Variants in MAP2K1 observed in about 807,000 individuals in gnomAD.
MAP2K1 encodes the protein dual specificity mitogen-activated protein kinase kinase 1.
A neutral mutation model predicts 46.3 loss-of-function variants in MAP2K1; 16 were observed. That is an observed-to-expected ratio of 0.35 (90% CI 0.23 to 0.52). The LOEUF is 0.52. Ranked by LOEUF, MAP2K1 falls within the 20% of genes least tolerant of loss-of-function variation. MAP2K1 has a pLI of 0.94. For synonymous variants in MAP2K1, 183 were observed against 185.6 expected, an observed-to-expected ratio of 0.99 and a Z score of 0.11; for missense variants, 263 against 497.1, an observed-to-expected ratio of 0.53 and a Z score of 4.48.
chr15:66,469,084 C>G (rs1054711330), intron 5 of MAP2K1, among the ~76,000 whole-genome samples: 2 of 151,800 alleles, frequency 1.3e-5, no homozygotes, highest in Admixed American at 6.6e-5. Flanking sequence ...GGTGAAACCC[C>G]GTCTCTACTA....
chr15:66,404,609 G>T (rs2093391524), intron 1 of MAP2K1, among the ~76,000 whole-genome samples: 1 of 152,186 alleles, frequency 6.6e-6, no homozygotes, highest in Non-Finnish European at 1.5e-5. Context: ...AGTTAAAAAG[G>T]AAGGCGTAAC....
At chr15:66,396,997 T>G (rs2093369355) in intron 1 of MAP2K1, among the ~76,000 whole-genome samples, 1 of 14,480 alleles carries the variant, frequency 6.9e-5, no homozygotes, top group South Asian at 4.1e-3. Context: ...TAACGCTTCT[T>G]TTTTTTTTTT....
At chr15:66,475,181 A>G (rs57677589) in intron 5 of MAP2K1, among the ~76,000 whole-genome samples, 2,880 of 152,214 alleles carry the variant, frequency 0.019, 86 homozygotes, top group African/African-American at 0.066. Context: ...GAGGCCATGG[A>G]TAGCTGGAGG....
At chr15:66,445,191 C>T (rs1014382068) in intron 5 of MAP2K1, among the ~76,000 whole-genome samples, 2 of 151,868 alleles carry the variant, frequency 1.3e-5, no homozygotes, top group Non-Finnish European at 2.9e-5. Context: ...GAGTTCGAAA[C>T]CAGCCTGACC....
rs398027713 is a variant in MAP2K1, at chr15:66,443,082, A to ATTTTT, written c.439-179_439-175dup. 3.9e-3 allele frequency among the ~76,000 whole-genome samples: 358 copies of ATTTTT among 91,052 alleles called. 27 individuals carry two copies. The highest frequency in any genetic ancestry group is 0.034 in the Admixed American group (217 of 6,306). The allele number at this position is 91,052 out of a possible 152,430, so 59.7% of individuals were successfully genotyped here. The stretch of plus-strand genomic sequence containing the variant: ...CCTTCTGGGGTTTTTTTGTGTGTGT[A>ATTTTT]TTTTTTTTTTTTTTTTTTTTTTTGA... On this transcript the variant is annotated intron_variant, in intron 3 of 10. Coordinates refer to ENST00000307102, the MANE Select transcript of MAP2K1 (RefSeq NM_002755.4).
intron 8 of MAP2K1, chr15:66,488,818 C>G (rs1195197163): frequency 8.0e-6 from 2 of 250,940 alleles, no homozygotes; most frequent in Non-Finnish European, 1.6e-5. Context: ...TGGTTACGTT[C>G]CCATGCCGCA....
At chr15:66,444,461 A>G (rs887063438) in intron 4 of MAP2K1, among the ~76,000 whole-genome samples, 195 bp from the exon 5 acceptor site, 1 of 152,036 alleles carries the variant, frequency 6.6e-6, no homozygotes, top group African/African-American at 2.4e-5. Context: ...TGAACCCGGG[A>G]GGTGGAGGTT....
chr15:66,408,182 A>G (rs548564970), intron 1 of MAP2K1, among the ~76,000 whole-genome samples: 1 of 152,356 alleles, frequency 6.6e-6, no homozygotes, highest in South Asian at 2.1e-4. Flanking sequence ...CCAAGATTAG[A>G]TCCCCAGTGC....
chr15:66,465,039 A>G (rs867608814), intron 5 of MAP2K1, among the ~76,000 whole-genome samples: 1 of 151,406 alleles, frequency 6.6e-6, no homozygotes, highest in African/African-American at 2.4e-5. Context: ...CCTGGCCAAC[A>G]TGGTGAAACC....
intron 5 of MAP2K1, among the ~76,000 whole-genome samples, chr15:66,469,631 TCAAAAAAAGACAGGGTCCTAGA>T (rs1384423251): frequency 7.0e-6 from 1 of 143,394 alleles, no homozygotes; most frequent in Non-Finnish European, 1.5e-5. Flanking sequence ...AAAATTTGTC[TCAAAAAAAGACAGGGTCCTAGA>T]CAGAGAAAAA....
At chr15:66,419,778 A>G (rs530309929) in intron 1 of MAP2K1, among the ~76,000 whole-genome samples, 119 of 151,366 alleles carry the variant, frequency 7.9e-4, no homozygotes, top group African/African-American at 2.8e-3. Context: ...ATGTGATTTC[A>G]GAAGACTGTT....
intron 1 of MAP2K1, among the ~76,000 whole-genome samples, chr15:66,399,518 C>T (rs528401275): frequency 1.3e-4 from 20 of 151,774 alleles, no homozygotes; most frequent in African/African-American, 4.6e-4. Context: ...TGGTGTGGAT[C>T]GTGGCTCACT....
chr15:66,396,481 G>T (rs944251762), intron 1 of MAP2K1, among the ~76,000 whole-genome samples: 1 of 151,526 alleles, frequency 6.6e-6, no homozygotes, highest in Admixed American at 6.6e-5. Flanking sequence ...TGTTGGTCAG[G>T]CTGGTCTCGA....
chr15:66,464,438 A>C (rs922942230), intron 5 of MAP2K1, among the ~76,000 whole-genome samples: 1 of 152,242 alleles, frequency 6.6e-6, no homozygotes, highest in Admixed American at 6.5e-5. Flanking sequence ...GCTTCGGTTC[A>C]CAGGGCTTTA....
At position 66,387,455 on chromosome 15, in the gene MAP2K1, G is replaced by C. The variant is rs374238278; in HGVS notation, c.80+28G>C. 350 of 1,549,362 alleles carry C rather than the reference G, an allele frequency of 2.3e-4. 2 individuals are homozygous for C. In the African/African-American group the frequency reaches 4.0e-3, roughly 18 times the overall value. ...AAGTATGGGGCGGGCGGTGAACCTC[G>C]GGGCCCGGCTGGGGAGGCCCGAGCC... On this transcript the variant is annotated intron_variant, in intron 1 of 10. Transcript: ENST00000307102.
Position 66,386,982 on chromosome 15 carries a change from T to C in MAP2K1, c.-366T>C, listed in dbSNP as rs1438479093. On this transcript the variant is annotated 5_prime_UTR_variant, in exon 1 of 11. Coordinates refer to ENST00000307102, the MANE Select transcript of MAP2K1 (RefSeq NM_002755.4). Reference sequence around the variant, plus strand: ...CGGCGGCACTTTCCCCGGCAGGAGCTGGAGCTGGGCTCTGGTGCGCGCGCG... The same window carrying C: ...CGGCGGCACTTTCCCCGGCAGGAGCCGGAGCTGGGCTCTGGTGCGCGCGCG... 1.1e-5 allele frequency: 3 copies of C among 273,026 alleles called. No homozygotes were observed. The highest frequency in any genetic ancestry group is 5.4e-5 in the Admixed American group (1 of 18,514). 16.9% of individuals were successfully genotyped at this position (273,026 alleles called of 1,614,324 possible).
chr15:66,439,974 T>C (rs1236415549), intron 3 of MAP2K1, among the ~76,000 whole-genome samples: 2 of 150,976 alleles, frequency 1.3e-5, no homozygotes. Context: ...CAGGAAAACC[T>C]GAAGGAAGTG....
intron 5 of MAP2K1, among the ~76,000 whole-genome samples, chr15:66,479,100 T>C (rs1892854102): frequency 6.6e-6 from 1 of 151,358 alleles, no homozygotes; most frequent in South Asian, 2.1e-4. Flanking sequence ...TAGCCTTCTT[T>C]TTTTTTTTTT....
intron 1 of MAP2K1, 143 bp from the exon 2 acceptor site, chr15:66,434,884 G>A (rs2093483518): frequency 1.4e-6 from 1 of 719,734 alleles, no homozygotes; most frequent in Non-Finnish European, 2.5e-6. Context: ...CAGAGCCACA[G>A]TGGGAGGGGG....
Sources: allele counts gnomAD v4.1 joint callset (sites outside exome capture counted in the v4.1 genomes callset), GRCh38; gene constraint gnomAD v4.1.1; transcripts MANE v1.5; gene names NCBI Gene and HGNC (gene_info 2026-07-23, HGNC 2026-07-21).